TUT7: variants seen among roughly 807,000 people sequenced by gnomAD.
TUT7 encodes terminal uridylyl transferase 7.
TUT7 carries 33 observed loss-of-function variants against 165.9 expected under a neutral mutation model. That is an observed-to-expected ratio of 0.20 (90% CI 0.15 to 0.27). The LOEUF (loss-of-function observed/expected upper bound fraction) is 0.27. Among genes scored for constraint, TUT7 ranks in the 10% least tolerant of loss-of-function variants. The probability of loss-of-function intolerance (pLI) is 1.00; values close to 1 mark genes in which losing one functional copy is unlikely to be tolerated. For synonymous variants in TUT7, 552 were observed against 608.1 expected, an observed-to-expected ratio of 0.91 and a Z score of 1.36; for missense variants, 1,338 against 1,762.3, an observed-to-expected ratio of 0.76 and a Z score of 4.31.
At chr9:86,348,290 T>C (rs1382040692) in intron 2 of TUT7, among the ~76,000 whole-genome samples, 1 of 152,334 alleles carries the variant, frequency 6.6e-6, no homozygotes, top group East Asian at 1.9e-4. Flanking sequence ...GTGTATCTTA[T>C]TATGCAACAG....
Position 86,304,943 on chromosome 9 carries a change from T to C in TUT7, c.3891A>G (p.Thr1297=). The C allele has an allele frequency of 6.2e-7, 1 of 1,602,174 alleles. No individual in the cohort carries two copies. The highest frequency in any genetic ancestry group is 8.5e-7 in the Non-Finnish European group (1 of 1,173,138). Residue 1297 remains threonine (T), a synonymous_variant, in exon 24 of 27, where the codon ACA becomes ACG. Coordinates refer to ENST00000375963, the MANE Select transcript of TUT7 (RefSeq NM_024617.4). ...TGATAAAAGCCTTCATTATAAAATT[T>C]GTCACTAAAAAGAAGAGTAAGAACT... ...NLGAGLSRKM[T]NFIMKAFING... is the part of the protein sequence containing the mutation.
chr9:86,332,662 A>G (rs1354137734), intron 10 of TUT7, among the ~76,000 whole-genome samples: 2 of 152,204 alleles, frequency 1.3e-5, no homozygotes, highest in Non-Finnish European at 2.9e-5. Flanking sequence ...GTTTACCTAT[A>G]TAATAAGCCT....
chr9:86,319,512 C>A, intron 15 of TUT7, 72 bp downstream of exon 15: 1 of 1,051,188 alleles, frequency 9.5e-7, no homozygotes, highest in Non-Finnish European at 1.4e-6. Context: ...AATCAGTGTG[C>A]TTGTAACACA....
At chr9:86,317,637 G>A (rs1828849148) in intron 16 of TUT7, among the ~76,000 whole-genome samples, 1 of 152,146 alleles carries the variant, frequency 6.6e-6, no homozygotes, top group Non-Finnish European at 1.5e-5. Context: ...TAAATGAGAG[G>A]AGGCTTCTGT....
chr9:86,346,283 T>C lies in TUT7; in HGVS notation c.702+16A>G, dbSNP rs756360500. 6.9e-6 allele frequency: 11 copies of C among 1,602,810 alleles called. No individual in the cohort carries two copies. Among genetic ancestry groups the C allele is most frequent in the East Asian group, 2.2e-5 (1 of 44,752 alleles). On this transcript the variant is annotated intron_variant, in intron 3 of 26. Transcript: ENST00000375963. ...ACCAGGATTCTAACCAACAAATATA[T>C]ATATAAGGATGTTACCCTTTTTAGC...
chr9:86,323,772 G>C lies in TUT7; in HGVS notation c.1978C>G (p.His660Asp), dbSNP rs1829544874. The change falls in exon 13 of 27, where the codon CAT becomes GAT. Residue 660 changes from histidine to aspartate, a missense_variant. His to Asp is a moderately conservative substitution (Grantham distance 81). Around this residue, in one of 7 missense-constraint regions of TUT7, gnomAD observed 425 missense variants for 474.9 expected, o/e 0.89. Coordinates refer to ENST00000375963, the MANE Select transcript of TUT7 (RefSeq NM_024617.4). The part of the protein sequence containing the change: ...ISEHSKEVIN[H>D]HPDVQTKDDK... ...TCTTTTGTTTGTACATCTGGATGAT[G>C]ATTTATTACTTCTTTAGAATGTTCT... 1.2e-6 allele frequency: 2 copies of C among 1,613,656 alleles called. No individual in the cohort carries two copies. The highest frequency in any genetic ancestry group is 1.7e-6 in the Non-Finnish European group (2 of 1,179,882).
chr9:86,310,408 CAT>C (rs1390380174), intron 18 of TUT7, among the ~76,000 whole-genome samples: 1 of 151,330 alleles, frequency 6.6e-6, no homozygotes, highest in East Asian at 1.9e-4. Flanking sequence ...TTGGTCTGAA[CAT>C]CTAGAAAATA....
Position 86,345,670 on chromosome 9 carries a change from T to G in TUT7, c.818A>C (p.Lys273Thr). The G allele has an allele frequency of 6.2e-7, 1 of 1,604,000 alleles. No homozygotes were observed. The highest frequency in any genetic ancestry group is 8.5e-7 in the Non-Finnish European group (1 of 1,171,674). The change falls in exon 4 of 27, where the codon AAG becomes ACG. Residue 273 changes from lysine to threonine, a missense_variant and splice_region_variant. Lys to Thr is a moderately conservative substitution (Grantham distance 78, BLOSUM62 -1). This residue lies in a region of TUT7 where 434 missense variants were observed against 480.8 expected (regional missense o/e 0.90). Transcript: ENST00000375963. ...TTGTTTGGGTTACATTCAATTTACC[T>G]TAATGTTTTTCTTGTGCCTCTTTTC... ...IKEKRHKKNI[K>T]EKQEEELLTT...
intron 17 of TUT7, among the ~76,000 whole-genome samples, chr9:86,312,864 A>AT (rs1280099898): frequency 2.6e-5 from 4 of 152,144 alleles, no homozygotes; most frequent in Admixed American, 2.6e-4. Flanking sequence ...GGTTGAATGG[A>AT]TTAAGGGCGG....
chr9:86,296,216 T>C (rs919523747), intron 26 of TUT7, among the ~76,000 whole-genome samples: 1 of 152,200 alleles, frequency 6.6e-6, no homozygotes, highest in African/African-American at 2.4e-5. Flanking sequence ...TGTGAGGTGT[T>C]AGCACCAATT....
Position 86,303,136 on chromosome 9 carries a change from T to C in TUT7, c.4044A>G (p.Arg1348=). ...GELAPNDRCC[R]ICGKIGHFMK... Reference sequence around the variant, plus strand: ...TGAAGTGTCCGATTTTTCCACAAATTCGACAACATCTATCATTTGGGGCCA... The same window carrying C: ...TGAAGTGTCCGATTTTTCCACAAATCCGACAACATCTATCATTTGGGGCCA... The change falls in exon 25 of 27, where the codon CGA becomes CGG. Residue 1348 remains arginine, a synonymous_variant. Transcript: ENST00000375963. The C allele has an allele frequency of 6.2e-7, 1 of 1,611,528 alleles. No individual in the cohort carries two copies. Among genetic ancestry groups the C allele is most frequent in the Non-Finnish European group, 8.5e-7 (1 of 1,178,770 alleles).
At position 86,341,066 on chromosome 9, in the gene TUT7, T is replaced by C; in HGVS notation, c.1087-13A>G. The C allele has an allele frequency of 1.2e-6, 2 of 1,606,402 alleles. No homozygotes were observed. The highest frequency in any genetic ancestry group is 1.7e-6 in the Non-Finnish European group (2 of 1,174,290). On this transcript the variant is annotated splice_polypyrimidine_tract_variant and intron_variant, in intron 6 of 26. Coordinates refer to ENST00000375963, the MANE Select transcript of TUT7 (RefSeq NM_024617.4). The stretch of plus-strand genomic sequence containing the variant: ...CTGGCTGAGACATCTAGGAAATAAA[T>C]CAATGAATACATGAAATTATTCCTA...
chr9:86,328,810 A>G (rs1830040021), intron 10 of TUT7, among the ~76,000 whole-genome samples: 1 of 152,102 alleles, frequency 6.6e-6, no homozygotes, highest in Non-Finnish European at 1.5e-5. Flanking sequence ...TCCTTCATAT[A>G]CTAGCTGTAT....
At chr9:86,293,430 T>A (rs928829289) in intron 26 of TUT7, among the ~76,000 whole-genome samples, 1 of 151,914 alleles carries the variant, frequency 6.6e-6, no homozygotes, top group Non-Finnish European at 1.5e-5. Flanking sequence ...TGGGCGACAG[T>A]GAGACCCTGT....
At chr9:86,313,070 A>G (rs988367800) in intron 17 of TUT7, among the ~76,000 whole-genome samples, 1 of 151,852 alleles carries the variant, frequency 6.6e-6, no homozygotes, top group Non-Finnish European at 1.5e-5. Flanking sequence ...CTGCTCCACT[A>G]TTGTCCTGTG....
Position 86,346,287 on chromosome 9 carries a change from T to C in TUT7, c.702+12A>G, listed in dbSNP as rs1831753827. ...GGATTCTAACCAACAAATATATATATAAGGATGTTACCCTTTTTAGCCTGT... is the reference window on the plus strand; with the variant it reads ...GGATTCTAACCAACAAATATATATACAAGGATGTTACCCTTTTTAGCCTGT... On this transcript the variant is annotated intron_variant, in intron 3 of 26. Transcript: ENST00000375963. The C allele has an allele frequency of 1.2e-6, 2 of 1,609,892 alleles. No individual in the cohort carries two copies. Among genetic ancestry groups the C allele is most frequent in the Non-Finnish European group, 1.7e-6 (2 of 1,178,214 alleles).
At chr9:86,353,638 A>C (rs529813430) in intron 1 of TUT7, among the ~76,000 whole-genome samples, 1 of 152,268 alleles carries the variant, frequency 6.6e-6, no homozygotes, top group East Asian at 1.9e-4. Flanking sequence ...TTTGTTTTTT[A>C]AGTTGGCAAT....
chr9:86,309,387 C>T, intron 20 of TUT7, 76 bp downstream of exon 20: 1 of 1,471,270 alleles, frequency 6.8e-7, no homozygotes, highest in South Asian at 1.2e-5. Flanking sequence ...TACAGAACCA[C>T]AGAATTTTAG....
At chr9:86,291,602 C>T (rs1298919736) in intron 26 of TUT7, among the ~76,000 whole-genome samples, 1 of 150,344 alleles carries the variant, frequency 6.7e-6, no homozygotes, top group South Asian at 2.1e-4. Flanking sequence ...AGTAAAAGGG[C>T]CCCTTGCATC....
Sources: allele counts gnomAD v4.1 joint callset (sites outside exome capture counted in the v4.1 genomes callset), GRCh38; gene constraint gnomAD v4.1.1; regional missense constraint gnomAD v4.1.1; transcripts MANE v1.5; gene names NCBI Gene and HGNC (gene_info 2026-07-23, HGNC 2026-07-21).